The following PTPRK variants were observed in gnomAD, a reference collection of about 807,000 sequenced individuals.
The protein encoded by PTPRK is receptor-type tyrosine-protein phosphatase kappa.
Under a neutral mutation model 178.0 loss-of-function variants are expected in PTPRK, and 75 were observed. The ratio of observed to expected loss-of-function variants is 0.42; its 90% CI spans 0.35 to 0.51. PTPRK has a LOEUF of 0.51. Ranked by LOEUF, PTPRK falls within the 20% of genes least tolerant of loss-of-function variation. The pLI is 0.02. For missense variants in PTPRK, 1,441 were observed against 1,797.8 expected, an observed-to-expected ratio of 0.80 and a Z score of 3.59; for synonymous variants, 637 against 620.6, an observed-to-expected ratio of 1.03 and a Z score of -0.39.
At chr6:128,052,231 C>T (rs546354117) in intron 13 of PTPRK, among the ~76,000 whole-genome samples, 2 of 152,296 alleles carry the variant, frequency 1.3e-5, no homozygotes, top group South Asian at 2.1e-4. Flanking sequence ...CCTGATGCCT[C>T]CATTATCCAG....
chr6:128,131,981 CTA>C (rs1176382818), intron 7 of PTPRK, among the ~76,000 whole-genome samples: 1 of 152,062 alleles, frequency 6.6e-6, no homozygotes, highest in Non-Finnish European at 1.5e-5. Flanking sequence ...TGCACAAAAA[CTA>C]TGTCTTTAAA....
At chr6:128,162,804 G>A (rs1798881980) in intron 7 of PTPRK, among the ~76,000 whole-genome samples, 1 of 151,582 alleles carries the variant, frequency 6.6e-6, no homozygotes, top group African/African-American at 2.4e-5. Flanking sequence ...CATCAACACT[G>A]ATAGGCTTTT....
At position 128,083,766 on chromosome 6, in the gene PTPRK, G is replaced by A. The variant is rs1455606240; in HGVS notation, c.1524C>T (p.Phe508=). The A allele has an allele frequency of 6.2e-7, 1 of 1,607,008 alleles. No individual in the cohort carries two copies. Among genetic ancestry groups the A allele is most frequent in the Non-Finnish European group, 8.5e-7 (1 of 1,176,142 alleles). The change falls in exon 9 of 30, where the codon TTC becomes TTT. Residue 508 remains phenylalanine (F), a synonymous_variant. Coordinates refer to ENST00000368226, the MANE Select transcript of PTPRK (RefSeq NM_002844.4). The part of the protein sequence containing the change: ...LQGTSFENKI[F]LNWKEPLDPN... ...GATCCAAAGGTTCTTTCCAGTTCAAGAAGATCTTATTTTCAAAGGATGTTC... is the reference window on the plus strand; with the variant it reads ...GATCCAAAGGTTCTTTCCAGTTCAAAAAGATCTTATTTTCAAAGGATGTTC...
chr6:127,989,523 T>C (rs1443185284), intron 21 of PTPRK, among the ~76,000 whole-genome samples: 2 of 152,024 alleles, frequency 1.3e-5, no homozygotes, highest in East Asian at 3.9e-4. Context: ...AATGAAGTCA[T>C]TGTATTTTAA....
intron 7 of PTPRK, among the ~76,000 whole-genome samples, chr6:128,109,757 A>T (rs1472205729): frequency 6.6e-6 from 1 of 152,212 alleles, no homozygotes; most frequent in Non-Finnish European, 1.5e-5. Context: ...TAACCTCTGT[A>T]GTAAAGCAAA....
At chr6:128,163,789 A>G (rs895268183) in intron 7 of PTPRK, among the ~76,000 whole-genome samples, 7 of 151,652 alleles carry the variant, frequency 4.6e-5, no homozygotes, top group African/African-American at 1.7e-4. Context: ...ATCATATTCC[A>G]AGCTATCTGA....
At chr6:128,308,502 A>C (rs1371703045) in intron 3 of PTPRK, among the ~76,000 whole-genome samples, 4 of 152,014 alleles carry the variant, frequency 2.6e-5, no homozygotes, top group Non-Finnish European at 5.9e-5. Flanking sequence ...AAAAGAAAAA[A>C]CGATCAAAAA....
chr6:128,394,978 C>G (rs1228072206), intron 2 of PTPRK, among the ~76,000 whole-genome samples: 1 of 152,046 alleles, frequency 6.6e-6, no homozygotes, highest in Non-Finnish European at 1.5e-5. Flanking sequence ...ATAGAGTTCC[C>G]AAACATTTGG....
Position 128,391,118 on chromosome 6 carries a change from T to C in PTPRK, c.223+6448A>G, listed in dbSNP as rs1839493077. Among the ~76,000 whole-genome samples the C allele has an allele frequency of 6.5e-5, 4 of 61,610 alleles. No individual in the cohort carries two copies. In the South Asian group the frequency reaches 3.4e-3, roughly 52 times the overall value. 40.4% of individuals were successfully genotyped at this position (61,610 alleles called of 152,430 possible). ...TAAATATTAAAGTGATAGAAAATAT[T>C]ATTTTTTTAAAAAAGAATTCTATTA... is the stretch of plus-strand genomic sequence containing the variant. On this transcript the variant is annotated intron_variant, in intron 2 of 29. Transcript: ENST00000368226.
chr6:127,982,013 T>A (rs1775400952), intron 24 of PTPRK, among the ~76,000 whole-genome samples: 2 of 152,056 alleles, frequency 1.3e-5, no homozygotes, highest in African/African-American at 4.8e-5. Context: ...CTATTTTTTA[T>A]ATTTTTTGTA....
At chr6:128,486,487 C>T (rs1312557563) in intron 1 of PTPRK, among the ~76,000 whole-genome samples, 1 of 152,108 alleles carries the variant, frequency 6.6e-6, no homozygotes, top group Non-Finnish European at 1.5e-5. Context: ...TATATCTATA[C>T]TCTGATTATA....
chr6:128,485,608 C>A (rs529933268), intron 1 of PTPRK, among the ~76,000 whole-genome samples: 2 of 152,244 alleles, frequency 1.3e-5, no homozygotes, highest in Non-Finnish European at 2.9e-5. Context: ...GACTATTTTG[C>A]ACAGTTGCTG....
At chr6:128,520,154 G>C (rs989134648) in intron 1 of PTPRK, 105 bp downstream of exon 1, 12 of 1,013,582 alleles carry the variant, frequency 1.2e-5, no homozygotes, top group South Asian at 1.7e-5. Flanking sequence ...CCCGGACAGA[G>C]AGAGCTCCCC....
intron 1 of PTPRK, among the ~76,000 whole-genome samples, chr6:128,456,112 C>A (rs1167027246): frequency 1.3e-5 from 2 of 151,970 alleles, no homozygotes; most frequent in Non-Finnish European, 2.9e-5. Context: ...GTTAACCCTG[C>A]AAAATTCAAG....
rs188631975 is a variant in PTPRK, at chr6:128,207,519, C to T, written c.868+11403G>A. Among the ~76,000 whole-genome samples the T allele has an allele frequency of 1.3e-3, 203 of 152,250 alleles. 2 individuals carry two copies. Among genetic ancestry groups the T allele is most frequent in the Admixed American group, 4.3e-3 (66 of 15,282 alleles). ...TTAGTATTTCTATTTGAATATTTAT[C>T]TATAAACCTCAGCAACACAAACATA... On this transcript the variant is annotated intron_variant, in intron 6 of 29. Coordinates refer to ENST00000368226, the MANE Select transcript of PTPRK (RefSeq NM_002844.4).
chr6:128,092,921 G>T (rs189617842), intron 7 of PTPRK, among the ~76,000 whole-genome samples: 34 of 152,098 alleles, frequency 2.2e-4, no homozygotes, highest in Non-Finnish European at 4.1e-4. Context: ...AAAGCAAAAA[G>T]ATATTGTTTG....
At chr6:128,453,343 A>G (rs1479274210) in intron 1 of PTPRK, among the ~76,000 whole-genome samples, 2 of 152,178 alleles carry the variant, frequency 1.3e-5, no homozygotes, top group Non-Finnish European at 2.9e-5. Flanking sequence ...CCTTAGCTCC[A>G]GCCCAACCCT....
chr6:128,370,065 T>C (rs890378857), intron 2 of PTPRK, among the ~76,000 whole-genome samples: 1 of 152,174 alleles, frequency 6.6e-6, no homozygotes, highest in African/African-American at 2.4e-5. Flanking sequence ...AAATGAAAGC[T>C]GCATTTCAGA....
At chr6:128,339,384 T>G (rs1409822842) in intron 2 of PTPRK, among the ~76,000 whole-genome samples, 1 of 152,168 alleles carries the variant, frequency 6.6e-6, no homozygotes. Context: ...ATCTGAAGCA[T>G]ATTCACCTCT....
Sources: gnomAD v4.1 joint callset for allele counts (sites outside exome capture counted in the v4.1 genomes callset) on GRCh38, gnomAD v4.1.1 for gene constraint, MANE v1.5 for transcripts, NCBI Gene and HGNC (gene_info 2026-07-23, HGNC 2026-07-21) for gene names.